The following ADK variants were observed in gnomAD, a reference collection of about 807,000 sequenced individuals.
ADK encodes the protein N6,N6-dimethyladenosine kinase.
Under a neutral mutation model 44.7 loss-of-function variants are expected in ADK, and 24 were observed. The ratio of observed to expected loss-of-function variants is 0.54; its 90% CI spans 0.39 to 0.76. The LOEUF (loss-of-function observed/expected upper bound fraction) is 0.76, where lower values mean the gene tolerates loss of function less well. ADK is among the 30% of genes least tolerant of loss of function. ADK has a pLI of 0.00. For missense variants in ADK, 321 were observed against 425.1 expected (o/e 0.76, Z 2.15); for synonymous variants, 128 against 142.6 (o/e 0.90, Z 0.73).
chr10:74,309,601 TTGTC>T (rs1311629535), intron 3 of ADK, among the ~76,000 whole-genome samples: 1 of 152,142 alleles, frequency 6.6e-6, no homozygotes, highest in African/African-American at 2.4e-5. Flanking sequence ...TTCTGCTGCT[TTGTC>T]TGTACATTTG....
chr10:74,521,015 G>A (rs1487724145), intron 6 of ADK, among the ~76,000 whole-genome samples: 1 of 152,082 alleles, frequency 6.6e-6, no homozygotes, highest in Non-Finnish European at 1.5e-5. Flanking sequence ...CTAAACTATA[G>A]ACTTGATTTT....
intron 4 of ADK, among the ~76,000 whole-genome samples, chr10:74,356,445 T>C (rs1035749956): frequency 2.6e-5 from 4 of 152,244 alleles, no homozygotes; most frequent in Non-Finnish European, 5.9e-5. Context: ...AAAATCACCG[T>C]GAAATAGATT....
At chr10:74,297,505 T>G (rs1170854301) in intron 3 of ADK, among the ~76,000 whole-genome samples, 1 of 152,186 alleles carries the variant, frequency 6.6e-6, no homozygotes, top group African/African-American at 2.4e-5. Flanking sequence ...TGAGCTGTAT[T>G]GTAGCTCTCT....
intron 2 of ADK, among the ~76,000 whole-genome samples, chr10:74,220,046 A>C (rs1050695944): frequency 2.0e-5 from 3 of 151,806 alleles, no homozygotes; most frequent in African/African-American, 7.3e-5. Flanking sequence ...AAATAGAGAC[A>C]CAAAAAACCG....
At chr10:74,488,318 A>G (rs1271429526) in intron 6 of ADK, among the ~76,000 whole-genome samples, 1 of 151,620 alleles carries the variant, frequency 6.6e-6, no homozygotes, top group African/African-American at 2.4e-5. Flanking sequence ...AGTATGTATC[A>G]TAATAGGGTC....
chr10:74,273,587 A>G (rs1846530164), intron 3 of ADK, among the ~76,000 whole-genome samples: 2 of 151,860 alleles, frequency 1.3e-5, no homozygotes, highest in Non-Finnish European at 2.9e-5. Context: ...TCCCCTGAGT[A>G]GCTGGGATTA....
intron 7 of ADK, among the ~76,000 whole-genome samples, chr10:74,552,455 A>T (rs1850067966): frequency 6.6e-6 from 1 of 152,132 alleles, no homozygotes; most frequent in African/African-American, 2.4e-5. Context: ...TAGAAGAGGG[A>T]TTGACTGTAA....
chr10:74,590,832 A>T (rs1851692072), intron 8 of ADK, among the ~76,000 whole-genome samples: 1 of 152,094 alleles, frequency 6.6e-6, no homozygotes, highest in Admixed American at 6.5e-5. Flanking sequence ...ATAAATAAAA[A>T]TTTTCAGGAA....
intron 7 of ADK, among the ~76,000 whole-genome samples, chr10:74,588,753 T>C (rs1362422638): frequency 1.3e-5 from 2 of 152,196 alleles, no homozygotes; most frequent in African/African-American, 2.4e-5. Context: ...GACCAGCATA[T>C]AATCTGAGAT....
At chr10:74,636,885 T>C (rs1254991084) in intron 9 of ADK, among the ~76,000 whole-genome samples, 2 of 151,684 alleles carry the variant, frequency 1.3e-5, no homozygotes, top group Admixed American at 6.6e-5. Context: ...CAAAGAAGAG[T>C]AGAGCATGGT....
At chr10:74,385,914 G>T (rs1182453432) in intron 4 of ADK, among the ~76,000 whole-genome samples, 3 of 152,146 alleles carry the variant, frequency 2.0e-5, no homozygotes, top group African/African-American at 7.2e-5. Flanking sequence ...TTCAGGGAAA[G>T]AACAGGATTA....
intron 1 of ADK, among the ~76,000 whole-genome samples, chr10:74,193,204 G>A (rs1478009123): frequency 6.6e-6 from 1 of 151,978 alleles, no homozygotes; most frequent in African/African-American, 2.4e-5. Flanking sequence ...TGTCTATATA[G>A]TGTCTTAATA....
At chr10:74,690,841 G>A (rs548476744) in intron 10 of ADK, among the ~76,000 whole-genome samples, 34 of 152,282 alleles carry the variant, frequency 2.2e-4, no homozygotes, top group Admixed American at 5.2e-4. Flanking sequence ...TGCACCCAAA[G>A]CCCAGTACCT....
At chr10:74,639,711 C>G (rs575982558) in intron 9 of ADK, among the ~76,000 whole-genome samples, 1 of 152,078 alleles carries the variant, frequency 6.6e-6, no homozygotes, top group African/African-American at 2.4e-5. Context: ...TGGCATGTAC[C>G]TGTAATCCCA....
chr10:74,294,413 A>G (rs1021797451), intron 3 of ADK, among the ~76,000 whole-genome samples: 1 of 151,968 alleles, frequency 6.6e-6, no homozygotes, highest in African/African-American at 2.4e-5. Context: ...CAGCCTCCCA[A>G]GTAGCTGGGA....
At chr10:74,186,259 TTCCCTTC>T (rs1165757567) in intron 1 of ADK, among the ~76,000 whole-genome samples, 37 of 150,652 alleles carry the variant, frequency 2.5e-4, no homozygotes, top group African/African-American at 9.0e-4. Flanking sequence ...CCTTTCCCCT[TTCCCTTC>T]TCCCTTCTCC....
chr10:74,565,817 T>C (rs950149447), intron 7 of ADK, among the ~76,000 whole-genome samples: 3 of 151,982 alleles, frequency 2.0e-5, no homozygotes, highest in African/African-American at 7.2e-5. Context: ...TTTTTCAGAT[T>C]AATGAATATG....
At chr10:74,327,472 G>A (rs922378183) in intron 4 of ADK, among the ~76,000 whole-genome samples, 1 of 152,150 alleles carries the variant, frequency 6.6e-6, no homozygotes, top group South Asian at 2.1e-4. Flanking sequence ...ATCTTCAGCC[G>A]CTGGATAGAA....
chr10:74,169,759 C>A (rs10824092), intron 1 of ADK, among the ~76,000 whole-genome samples: 80,815 of 151,582 alleles, frequency 0.53, 22,534 homozygotes, highest in Non-Finnish European at 0.62. Context: ...ATAAACTTGT[C>A]CATAATGAAA....
Sources: gnomAD v4.1 joint callset for allele counts (sites outside exome capture counted in the v4.1 genomes callset) on GRCh38, gnomAD v4.1.1 for gene constraint, MANE v1.5 for transcripts, NCBI Gene and HGNC (gene_info 2026-07-23, HGNC 2026-07-21) for gene names.